The following LRRTM4 variants were observed in gnomAD, a reference collection of about 807,000 sequenced individuals.
The protein encoded by LRRTM4 is leucine-rich repeat transmembrane neuronal protein 4.
In LRRTM4, 25 loss-of-function variants were observed where a neutral mutation model predicts 47.6. The observed-to-expected ratio is 0.53, with a 90% CI of 0.38 to 0.73. The LOEUF is 0.73. Ranked by LOEUF, LRRTM4 falls within the 30% of genes least tolerant of loss-of-function variation. LRRTM4 has a pLI of 0.00. For synonymous variants in LRRTM4, 311 were observed against 269.5 expected, an observed-to-expected ratio of 1.15 and a Z score of -1.51; for missense variants, 638 against 713.4, an observed-to-expected ratio of 0.89 and a Z score of 1.20.
chr2:76,841,945 C>A (rs1204012697), intron 3 of LRRTM4, among the ~76,000 whole-genome samples: 1 of 152,062 alleles, frequency 6.6e-6, no homozygotes, highest in Non-Finnish European at 1.5e-5. Flanking sequence ...TCATAGAAGG[C>A]AAAATTTGGA....
At chr2:77,170,205 A>T (rs766880519) in intron 3 of LRRTM4, among the ~76,000 whole-genome samples, 17 of 151,638 alleles carry the variant, frequency 1.1e-4, no homozygotes, top group Non-Finnish European at 1.9e-4. Flanking sequence ...AGTCCTTAAG[A>T]GTGGGAAGAG....
chr2:77,014,523 T>TATATATATATATATATATA (rs1677989293), intron 3 of LRRTM4, among the ~76,000 whole-genome samples: 3 of 149,584 alleles, frequency 2.0e-5, no homozygotes, highest in East Asian at 2.0e-4. Flanking sequence ...TATATAAAGA[T>TATATATATATATATATATA]TTTATAGGCC....
chr2:77,382,543 T>C (rs888159291), intron 3 of LRRTM4, among the ~76,000 whole-genome samples: 4 of 152,106 alleles, frequency 2.6e-5, no homozygotes, highest in African/African-American at 9.6e-5. Flanking sequence ...TGAGGAAAAC[T>C]GGTAGAAGTG....
At chr2:77,077,518 G>C (rs1353737814) in intron 3 of LRRTM4, among the ~76,000 whole-genome samples, 2 of 152,128 alleles carry the variant, frequency 1.3e-5, no homozygotes. Flanking sequence ...AAAGTCATTA[G>C]AACTGCCTGT....
At chr2:76,749,004 T>G in intron 3 of LRRTM4, 88 bp from the exon 4 acceptor site, 3 of 1,000,326 alleles carry the variant, frequency 3.0e-6, no homozygotes, top group South Asian at 1.5e-5. Context: ...TTTTGTTCTC[T>G]TTCATGCTGT....
intron 3 of LRRTM4, among the ~76,000 whole-genome samples, chr2:76,901,500 T>TA (rs1328661401): frequency 2.0e-5 from 3 of 152,160 alleles, no homozygotes; most frequent in African/African-American, 7.2e-5. Flanking sequence ...AGAGCAGTGT[T>TA]AAGTCTAGTT....
At chr2:76,749,844 T>C (rs1672786543) in intron 3 of LRRTM4, among the ~76,000 whole-genome samples, 1 of 152,222 alleles carries the variant, frequency 6.6e-6, no homozygotes, top group Admixed American at 6.5e-5. Flanking sequence ...TTTCTCATAC[T>C]TGCGAGTTAC....
At chr2:77,126,780 G>C (rs1671662925) in intron 3 of LRRTM4, among the ~76,000 whole-genome samples, 1 of 152,202 alleles carries the variant, frequency 6.6e-6, no homozygotes, top group African/African-American at 2.4e-5. Flanking sequence ...AAAGTTTTCA[G>C]CAAGATCAAA....
chr2:77,455,042 G>A (rs140494802), intron 3 of LRRTM4, among the ~76,000 whole-genome samples: 1 of 152,042 alleles, frequency 6.6e-6, no homozygotes, highest in Admixed American at 6.6e-5. Context: ...ACAAAAATTA[G>A]CCAGATGTGG....
intron 3 of LRRTM4, among the ~76,000 whole-genome samples, chr2:77,162,182 C>A (rs564880095): frequency 4.6e-5 from 7 of 152,344 alleles, no homozygotes; most frequent in East Asian, 3.9e-4. Context: ...TATCCCATGC[C>A]TGGCTCAGAG....
At chr2:77,505,119 A>G (rs1364854310) in intron 3 of LRRTM4, among the ~76,000 whole-genome samples, 1 of 151,270 alleles carries the variant, frequency 6.6e-6, no homozygotes, top group Non-Finnish European at 1.5e-5. Flanking sequence ...TACGAATCAA[A>G]GTAAGCGCAA....
At chr2:77,376,613 A>C (rs1049206314) in intron 3 of LRRTM4, among the ~76,000 whole-genome samples, 1 of 151,682 alleles carries the variant, frequency 6.6e-6, no homozygotes, top group South Asian at 2.1e-4. Flanking sequence ...ATGCCGATTG[A>C]TCTCTCTCTT....
rs141923443 is a variant in LRRTM4 at position 77,135,865 on chromosome 2, A to G, written c.1551+382453T>C. Among the ~76,000 whole-genome samples, 462 of 152,282 alleles carry G rather than the reference A, an allele frequency of 3.0e-3. 1 individual carries two copies. The highest frequency in any genetic ancestry group is 0.01 in the African/African-American group (426 of 41,550). ...GAAGAATGTAATAAGTAAAATGAAT[A>G]AATAAATAAATTTTTACATTTTTTT... On this transcript the variant is annotated intron_variant, in intron 3 of 3. Coordinates refer to ENST00000409884, the MANE Select transcript of LRRTM4 (RefSeq NM_001134745.3).
At chr2:77,205,081 G>A (rs1674082425) in intron 3 of LRRTM4, among the ~76,000 whole-genome samples, 1 of 152,176 alleles carries the variant, frequency 6.6e-6, no homozygotes, top group East Asian at 1.9e-4. Context: ...CGTTGGAAGG[G>A]TATGAACATT....
chr2:77,168,858 C>T (rs1485935413), intron 3 of LRRTM4, among the ~76,000 whole-genome samples: 4 of 152,082 alleles, frequency 2.6e-5, no homozygotes, highest in Admixed American at 2.0e-4. Context: ...ATCCATGTTT[C>T]TGCAAAAGAT....
At chr2:76,920,333 G>A (rs1296822693) in intron 3 of LRRTM4, among the ~76,000 whole-genome samples, 1 of 152,088 alleles carries the variant, frequency 6.6e-6, no homozygotes, top group Non-Finnish European at 1.5e-5. Flanking sequence ...TAGCTTTCCA[G>A]TAGTTCCTTC....
In LRRTM4 at chr2:77,519,796, C is replaced by T. The variant is rs1679407912; in HGVS notation, c.73G>A (p.Val25Ile). 1 of 1,613,040 alleles carries T rather than the reference C, an allele frequency of 6.2e-7. No homozygotes were observed. The highest frequency in any genetic ancestry group is 8.5e-7 in the Non-Finnish European group (1 of 1,179,454). Residue 25 changes from valine to isoleucine, a missense_variant, in exon 3 of 4, where the codon GTT (valine) becomes ATT (isoleucine). Coordinates refer to ENST00000409884, the MANE Select transcript of LRRTM4 (RefSeq NM_001134745.3). This position sits in a 1 kb window ranked among gnomAD's most constrained non-coding sequence, Gnocchi z 4.6. Reference sequence around the variant, plus strand: ...GCTCTCTGAGCACCCGTGAGCATAACAAGCAGCAGTGTAGGAAGTAGCACC... The same window carrying T: ...GCTCTCTGAGCACCCGTGAGCATAATAAGCAGCAGTGTAGGAAGTAGCACC... ...VLVLLPTLLL[V>I]MLTGAQRACP...
rs368701364 is a variant in LRRTM4 at position 77,443,184 on chromosome 2, G to A, written c.1551+75134C>T. 4.3e-4 allele frequency among the ~76,000 whole-genome samples: 66 copies of A among 152,240 alleles called. 1 individual carries two copies. The highest frequency in any genetic ancestry group is 1.5e-3 in the African/African-American group (62 of 41,554). ...AATGTAGGTAGGAGCCATTCCAGCCGACGTTTGCAGCTGTGCTGTTTTTCT... is the reference window on the plus strand; with the variant it reads ...AATGTAGGTAGGAGCCATTCCAGCCAACGTTTGCAGCTGTGCTGTTTTTCT... On this transcript the variant is annotated intron_variant, in intron 3 of 3. Transcript: ENST00000409884.
intron 3 of LRRTM4, among the ~76,000 whole-genome samples, chr2:77,348,486 TTA>T (rs1671647970): frequency 6.6e-6 from 1 of 150,378 alleles, no homozygotes. Flanking sequence ...TTATATAATT[TTA>T]TATATACACA....
Sources: gnomAD v4.1 joint callset for allele counts (sites outside exome capture counted in the v4.1 genomes callset) on GRCh38, gnomAD v4.1.1 for gene constraint, Gnocchi (gnomAD v3.1) non-coding constraint, MANE v1.5 for transcripts, NCBI Gene and HGNC (gene_info 2026-07-23, HGNC 2026-07-21) for gene names.